DTWD2: variants seen among roughly 807,000 people sequenced by gnomAD.
The protein encoded by DTWD2 is DTW motif tRNA-uridine aminocarboxypropyltransferase 2, also known as tRNA-uridine aminocarboxypropyltransferase 2.
Under a neutral mutation model 31.8 loss-of-function variants are expected in DTWD2, and 39 were observed. The ratio of observed to expected loss-of-function variants is 1.22; its 90% confidence interval spans 0.95 to 1.60. The LOEUF is 1.60. Ranked by LOEUF, DTWD2 falls within the 40% of genes most tolerant of loss-of-function variation. The pLI is 0.00. For missense variants in DTWD2, 515 were observed against 381.5 expected (o/e 1.35, Z -2.92); for synonymous variants, 180 against 142.8 (o/e 1.26, Z -1.86).
chr5:118,982,728 G>A (rs191568903), intron 1 of DTWD2, among the ~76,000 whole-genome samples: 1,709 of 130,062 alleles, frequency 0.013, 31 homozygotes, highest in African/African-American at 0.048. Context: ...TCGCTCTGTC[G>A]CCGAGGCTGG....
chr5:118,955,502 T>C (rs1754565433), intron 1 of DTWD2, among the ~76,000 whole-genome samples: 1 of 152,216 alleles, frequency 6.6e-6, no homozygotes, highest in African/African-American at 2.4e-5. Context: ...GATTGAATAA[T>C]TTATAAATTC....
chr5:118,942,271 A>T (rs190488294), intron 2 of DTWD2, among the ~76,000 whole-genome samples: 12 of 152,282 alleles, frequency 7.9e-5, no homozygotes, highest in African/African-American at 2.9e-4. Flanking sequence ...GCTCTTAGGG[A>T]GGCAGAGGTT....
At chr5:118,860,991 T>A (rs57643783) in intron 4 of DTWD2, among the ~76,000 whole-genome samples, 7 of 152,142 alleles carry the variant, frequency 4.6e-5, no homozygotes, top group African/African-American at 1.4e-4. Context: ...CATTTCTCAA[T>A]AGTTAAGTCA....
At chr5:118,987,877 C>G (rs1318985392) in intron 1 of DTWD2, among the ~76,000 whole-genome samples, 1 of 152,184 alleles carries the variant, frequency 6.6e-6, no homozygotes, top group African/African-American at 2.4e-5. Flanking sequence ...ATTTAGAGTT[C>G]TGGTAGGATA....
chr5:118,910,863 C>A (rs60221161), intron 4 of DTWD2, among the ~76,000 whole-genome samples: 7,182 of 152,196 alleles, frequency 0.047, 560 homozygotes, highest in African/African-American at 0.16. Context: ...TCAGAAATGG[C>A]ACCTTCTATG....
intron 3 of DTWD2, among the ~76,000 whole-genome samples, chr5:118,930,849 G>A (rs1753907334): frequency 6.6e-6 from 1 of 152,152 alleles, no homozygotes; most frequent in Non-Finnish European, 1.5e-5. Context: ...GCTTAGGACT[G>A]GGAAGGCGCA....
At chr5:118,935,069 C>T (rs1483495974) in intron 3 of DTWD2, among the ~76,000 whole-genome samples, 1 of 151,860 alleles carries the variant, frequency 6.6e-6, no homozygotes, top group Admixed American at 6.6e-5. Flanking sequence ...AAGTTGATCA[C>T]CAGTGGCCAA....
At position 118,923,393 on chromosome 5, in the gene DTWD2, C is replaced by T. The variant is rs1753744479; in HGVS notation, c.597+5144G>A. ...AGGGAGAAAAAACTTCCTGGTCATG[C>T]TCACTAAGAGACAAAATGGCGAAAT... On this transcript the variant is annotated intron_variant, in intron 4 of 5. Coordinates refer to ENST00000510708, the MANE Select transcript of DTWD2 (RefSeq NM_173666.4). Among the ~76,000 whole-genome samples the T allele has an allele frequency of 2.0e-5, 3 of 152,136 alleles. 1 individual carries two copies. The highest frequency in any genetic ancestry group is 7.2e-5 in the African/African-American group (3 of 41,400).
At chr5:118,974,308 G>A (rs1755091197) in intron 1 of DTWD2, among the ~76,000 whole-genome samples, 1 of 151,954 alleles carries the variant, frequency 6.6e-6, no homozygotes, top group South Asian at 2.1e-4. Context: ...ATGAGAATTT[G>A]CAACAGGGGA....
intron 4 of DTWD2, among the ~76,000 whole-genome samples, chr5:118,870,058 T>C (rs1398828941): frequency 3.9e-5 from 6 of 152,302 alleles, no homozygotes; most frequent in Admixed American, 6.5e-5. Context: ...CCTTCCACCA[T>C]GATTGTAAGC....
At chr5:118,966,429 A>G (rs1366170914) in intron 1 of DTWD2, among the ~76,000 whole-genome samples, 1 of 152,188 alleles carries the variant, frequency 6.6e-6, no homozygotes, top group African/African-American at 2.4e-5. Context: ...CAGAAAAAAT[A>G]TATATTTTTA....
intron 1 of DTWD2, among the ~76,000 whole-genome samples, chr5:118,946,474 A>G (rs1054944196): frequency 1.3e-5 from 2 of 152,212 alleles, no homozygotes; most frequent in African/African-American, 4.8e-5. Flanking sequence ...CAAATTCTAA[A>G]AAACAAGATT....
chr5:118,948,273 G>A (rs1754383940), intron 1 of DTWD2, among the ~76,000 whole-genome samples: 6 of 151,812 alleles, frequency 4.0e-5, no homozygotes, highest in Admixed American at 3.9e-4. Flanking sequence ...CAGGAGTTAG[G>A]GACCTTCCTG....
chr5:118,982,275 T>C (rs1339960362), intron 1 of DTWD2, among the ~76,000 whole-genome samples: 1 of 152,196 alleles, frequency 6.6e-6, no homozygotes, highest in East Asian at 1.9e-4. Context: ...TGAAGAAAAC[T>C]TCTACCTATC....
At chr5:118,848,598 TA>T in intron 4 of DTWD2, among the ~76,000 whole-genome samples, 1 of 151,748 alleles carries the variant, frequency 6.6e-6, no homozygotes, top group East Asian at 1.9e-4. Context: ...GTAGCTAAAA[TA>T]AAAAAGGCTG....
intron 4 of DTWD2, among the ~76,000 whole-genome samples, chr5:118,921,983 G>T (rs918365528): frequency 2.0e-5 from 3 of 152,228 alleles, no homozygotes; most frequent in East Asian, 3.8e-4. Context: ...CTTATCAAGC[G>T]AGAAATTAAG....
intron 1 of DTWD2, among the ~76,000 whole-genome samples, chr5:118,978,093 GC>G (rs1037257480): frequency 2.7e-5 from 4 of 148,914 alleles, no homozygotes; most frequent in African/African-American, 9.9e-5. Context: ...ACAAAAACAA[GC>G]AATGGGGAAA....
chr5:118,923,204 G>C (rs763984018), intron 4 of DTWD2, among the ~76,000 whole-genome samples: 1 of 151,766 alleles, frequency 6.6e-6, no homozygotes, highest in Non-Finnish European at 1.5e-5. Flanking sequence ...GGGCAGGAGA[G>C]AGCTCTCCCC....
intron 1 of DTWD2, chr5:118,973,795 C>T: frequency 6.2e-7 from 1 of 1,611,782 alleles, no homozygotes; most frequent in Non-Finnish European, 8.5e-7. Context: ...CGTGCCCCAC[C>T]ATGTCAGACG....
Sources: allele counts gnomAD v4.1 joint callset (sites outside exome capture counted in the v4.1 genomes callset), GRCh38; gene constraint gnomAD v4.1.1; transcripts MANE v1.5; gene names NCBI Gene and HGNC (gene_info 2026-07-23, HGNC 2026-07-21).